Variants in GPC3 observed in about 807,000 individuals in gnomAD.
GPC3 encodes the protein glypican-3.
A neutral mutation model predicts 34.4 loss-of-function variants in GPC3; 3 were observed. That is an observed-to-expected ratio of 0.09 (90% CI 0.04 to 0.23). The LOEUF is 0.23. Ranked by LOEUF, GPC3 falls within the 10% of genes least tolerant of loss-of-function variation. The pLI, the probability that GPC3 is intolerant of heterozygous loss-of-function variation, is 1.00. For missense variants in GPC3, 351 were observed against 445.6 expected (o/e 0.79, Z 1.91); for synonymous variants, 177 against 174.0 (o/e 1.02, Z -0.13).
Position 133,536,026 on chromosome X carries a change from CA to C in GPC3, c.*97del, listed in dbSNP as rs373139333. On this transcript the variant is annotated 3_prime_UTR_variant, in exon 8 of 8. Coordinates refer to ENST00000370818, the MANE Select transcript of GPC3 (RefSeq NM_004484.4). ...TGGCTGGAGGAGGTATACAGGATAA[CA>C]AAAAAAAAAAAATAGAAAAAAATAA... 0.14 allele frequency: 52,228 copies of C among 384,343 alleles called. 2 individuals carry two copies. Among genetic ancestry groups the C allele is most frequent in the East Asian group, 0.15 (2,259 of 15,058 alleles). 31.7% of individuals were successfully genotyped at this position (384,343 alleles called of 1,213,427 possible).
intron 2 of GPC3, among the ~76,000 whole-genome samples, chrX:133,919,817 A>G (rs1249987071): frequency 9.5e-6 from 1 of 105,674 alleles, no homozygotes; most frequent in Non-Finnish European, 1.9e-5. Flanking sequence ...ACTCCAGCCT[A>G]TGTGACAGAG....
At chrX:133,776,422 A>G (rs996503006) in intron 2 of GPC3, among the ~76,000 whole-genome samples, 1 of 111,524 alleles carries the variant, frequency 9.0e-6, no homozygotes, top group Non-Finnish European at 1.9e-5. Flanking sequence ...CGAGATCGCT[A>G]AACTGTGATG....
At chrX:133,791,612 C>T (rs1211260824) in intron 2 of GPC3, among the ~76,000 whole-genome samples, 4 of 110,726 alleles carry the variant, frequency 3.6e-5, no homozygotes, top group African/African-American at 1.3e-4. Flanking sequence ...CTTCTACTAT[C>T]AAAGAGCTAT....
At chrX:133,880,240 C>T (rs1432971045) in intron 2 of GPC3, among the ~76,000 whole-genome samples, 4 of 112,345 alleles carry the variant, frequency 3.6e-5, no homozygotes, top group African/African-American at 1.3e-4. Context: ...TTATACTTAA[C>T]AGATGCTATT....
At chrX:133,668,046 C>T (rs1451388732) in intron 5 of GPC3, among the ~76,000 whole-genome samples, 5 of 108,035 alleles carry the variant, frequency 4.6e-5, no homozygotes, top group East Asian at 3.0e-4. Context: ...GGAGTACAGG[C>T]GCCCTGCCAC....
intron 2 of GPC3, among the ~76,000 whole-genome samples, chrX:133,910,296 C>T (rs1322478422): frequency 9.0e-6 from 1 of 111,385 alleles, no homozygotes; most frequent in Non-Finnish European, 1.9e-5. Context: ...GTTTGTTTTG[C>T]AGCTGTTGTA....
At chrX:133,678,017 G>C (rs1158934262) in intron 5 of GPC3, among the ~76,000 whole-genome samples, 1 of 111,186 alleles carries the variant, frequency 9.0e-6, no homozygotes, top group African/African-American at 3.3e-5. Context: ...GAGAAGTCAG[G>C]CATTTGACAG....
chrX:133,985,248 A>G (rs1174896859), intron 1 of GPC3, 27 bp downstream of exon 1: 1 of 1,205,801 alleles, frequency 8.3e-7, no homozygotes, highest in South Asian at 1.8e-5. Flanking sequence ...GCTGGGCGCT[A>G]GGCACGCTCA....
intron 1 of GPC3, among the ~76,000 whole-genome samples, chrX:133,971,515 C>T (rs150279603): frequency 1.6e-3 from 176 of 110,779 alleles, no homozygotes; most frequent in African/African-American, 5.2e-3. Context: ...TCAGAAGCTA[C>T]GGGGAAAGGA....
At chrX:133,846,451 C>T (rs942208782) in intron 2 of GPC3, among the ~76,000 whole-genome samples, 2 of 111,701 alleles carry the variant, frequency 1.8e-5, no homozygotes, top group African/African-American at 6.5e-5. Context: ...TATTTACCTC[C>T]TTTATACATG....
intron 5 of GPC3, among the ~76,000 whole-genome samples, chrX:133,673,616 G>A (rs1041832552): frequency 7.1e-5 from 8 of 112,365 alleles, no homozygotes; most frequent in African/African-American, 2.6e-4. Context: ...GAAGAGTCAC[G>A]TGGTGGAAAG....
intron 7 of GPC3, among the ~76,000 whole-genome samples, chrX:133,541,336 T>G (rs1003343061): frequency 2.7e-5 from 3 of 111,749 alleles, no homozygotes; most frequent in Non-Finnish European, 5.6e-5. Flanking sequence ...AGATGTATTA[T>G]GAGAATCACC....
chrX:133,739,472 C>T (rs764565076), intron 3 of GPC3, among the ~76,000 whole-genome samples: 12 of 111,504 alleles, frequency 1.1e-4, no homozygotes, highest in Non-Finnish European at 1.7e-4. Context: ...ATTTTTATCC[C>T]CATTCTATAG....
chrX:133,798,855 T>C (rs991490412), intron 2 of GPC3, among the ~76,000 whole-genome samples: 1 of 111,598 alleles, frequency 9.0e-6, no homozygotes, highest in Non-Finnish European at 1.9e-5. Context: ...GGGTGGTATG[T>C]AGAAGACAAA....
At chrX:133,654,759 G>C (rs760231534) in intron 6 of GPC3, among the ~76,000 whole-genome samples, 1 of 111,147 alleles carries the variant, frequency 9.0e-6, no homozygotes, top group Admixed American at 9.5e-5. Context: ...TTTGGCCAGT[G>C]GGTAAATGTA....
chrX:133,622,676 C>G (rs1381424542), intron 6 of GPC3, among the ~76,000 whole-genome samples: 2 of 111,390 alleles, frequency 1.8e-5, no homozygotes, highest in Non-Finnish European at 3.8e-5. Flanking sequence ...GTGAAAAGAC[C>G]AAATCTACGT....
chrX:133,598,851 A>T (rs2069949992), intron 6 of GPC3, among the ~76,000 whole-genome samples: 1 of 112,036 alleles, frequency 8.9e-6, no homozygotes, highest in Non-Finnish European at 1.9e-5. Flanking sequence ...TCCCAATGTC[A>T]ACACCTTTCA....
intron 3 of GPC3, among the ~76,000 whole-genome samples, chrX:133,707,630 T>C (rs1318699343): frequency 8.1e-5 from 9 of 111,103 alleles, no homozygotes; most frequent in Non-Finnish European, 1.5e-4. Flanking sequence ...ATGTAGAATA[T>C]ATGGAGAGTA....
intron 7 of GPC3, among the ~76,000 whole-genome samples, chrX:133,596,161 A>G (rs754279462): frequency 2.7e-5 from 3 of 111,936 alleles, no homozygotes; most frequent in African/African-American, 9.7e-5. Flanking sequence ...GAAAACTCCA[A>G]TGAGAAACAG....
Sources: gnomAD v4.1 joint callset for allele counts (sites outside exome capture counted in the v4.1 genomes callset) on GRCh38, gnomAD v4.1.1 for gene constraint, MANE v1.5 for transcripts, NCBI Gene and HGNC (gene_info 2026-07-23, HGNC 2026-07-21) for gene names.